TTC14: variants seen among roughly 807,000 people sequenced by gnomAD.
TTC14 encodes the protein tetratricopeptide repeat protein 14.
Under a neutral mutation model 79.9 loss-of-function variants are expected in TTC14, and 63 were observed. That is an observed-to-expected ratio of 0.79 (90% CI 0.64 to 0.97). TTC14 has a LOEUF of 0.97. Among genes scored for constraint, TTC14 ranks in the 50% least tolerant of loss-of-function variants. TTC14 has a pLI of 0.00. For synonymous variants in TTC14, 335 were observed against 309.6 expected, an observed-to-expected ratio of 1.08 and a Z score of -0.86; for missense variants, 895 against 894.0, an observed-to-expected ratio of 1.00 and a Z score of -0.01.
At chr3:180,611,501 A>G (rs531251451), downstream of TTC14, among the ~76,000 whole-genome samples, 11 of 152,266 alleles carry the variant, frequency 7.2e-5, no homozygotes, top group East Asian at 1.9e-4. Context: ...TGCTTCTCTG[A>G]TGACCCCTTT....
rs144670301 is a variant in TTC14, at chr3:180,602,874, AT to A, written c.162-10del. On this transcript the variant is annotated splice_polypyrimidine_tract_variant and intron_variant, in intron 1 of 11. Coordinates refer to ENST00000296015, the MANE Select transcript of TTC14 (RefSeq NM_133462.4). ...TGCAGATAACCCAATTTTCATATAT[AT>A]TTTTTTCTTTTTAAGAAAAGAGAAG... 105 of 1,595,322 alleles carry A rather than the reference AT, an allele frequency of 6.6e-5. No homozygotes were observed. Among genetic ancestry groups the A allele is most frequent in the Middle Eastern group, 1.7e-4 (1 of 5,880 alleles).
chr3:180,611,283 T>C (rs780468221), downstream of TTC14, among the ~76,000 whole-genome samples: 7 of 152,226 alleles, frequency 4.6e-5, no homozygotes, highest in Non-Finnish European at 1.5e-5. Context: ...CCTTAGGGCC[T>C]GTATTCCACG....
chr3:180,603,440 T>A, intron 3 of TTC14, 117 bp downstream of exon 3: 1 of 883,832 alleles, frequency 1.1e-6, no homozygotes, highest in Non-Finnish European at 1.8e-6. Context: ...TTTTGGAAAT[T>A]AAATGTTAAT....
rs1716967649 is a variant in TTC14 at position 180,610,892 on chromosome 3, T to A, written c.*350T>A. 5.1e-6 allele frequency: 5 copies of A among 987,628 alleles called. No individual in the cohort carries two copies. Among genetic ancestry groups the A allele is most frequent in the Non-Finnish European group, 6.0e-6 (5 of 831,336 alleles). The allele number at this position is 987,628 out of a possible 1,614,324, so 61.2% of individuals were successfully genotyped here. On this transcript the variant is annotated 3_prime_UTR_variant, in exon 12 of 12. Coordinates refer to ENST00000296015, the MANE Select transcript of TTC14 (RefSeq NM_133462.4). Reference sequence around the variant, plus strand: ...TATTCTGCTGTTTGAGAGAAAAATTTGTGCATTGAACACTTGGATCATTTT... The same window carrying A: ...TATTCTGCTGTTTGAGAGAAAAATTAGTGCATTGAACACTTGGATCATTTT...
intron 12 of TTC14, chr3:180,616,596 T>G: frequency 6.2e-7 from 1 of 1,600,412 alleles, no homozygotes; most frequent in Non-Finnish European, 8.5e-7. Flanking sequence ...TCAATAACTT[T>G]GTGAAACTGT....
Position 180,608,764 on chromosome 3 carries a change from G to A in TTC14, c.1354G>A (p.Glu452Lys). Residue 452 changes from glutamate to lysine, a missense_variant, in exon 11 of 12, where the codon GAA becomes AAA. Coordinates refer to ENST00000296015, the MANE Select transcript of TTC14 (RefSeq NM_133462.4). ...KEEKQKTKKI[E>K]TSAEKLRKLL... Reference sequence around the variant, plus strand: ...AGAAAAGCAGAAAACAAAGAAAATAGAAACAAGTGCAGAAAAGTTGCGTAA... The same window carrying A: ...AGAAAAGCAGAAAACAAAGAAAATAAAAACAAGTGCAGAAAAGTTGCGTAA... The A allele has an allele frequency of 1.3e-6, 2 of 1,563,362 alleles. No individual in the cohort carries two copies. The highest frequency in any genetic ancestry group is 1.7e-6 in the Non-Finnish European group (2 of 1,158,566).
intron 1 of TTC14, 190 bp from the exon 2 acceptor site, chr3:180,602,701 T>G: frequency 1.3e-6 from 1 of 760,720 alleles, no homozygotes; most frequent in Non-Finnish European, 2.0e-6. Flanking sequence ...GCGTCACTTT[T>G]TAAGTTTCCC....
chr3:180,604,372 T>TA (rs1025881233), intron 4 of TTC14, 63 bp downstream of exon 4: 209 of 1,567,776 alleles, frequency 1.3e-4, no homozygotes, highest in Admixed American at 4.5e-4. Context: ...TTTATTAATT[T>TA]AAAAAAATAC....
chr3:180,608,905 G>C, intron 11 of TTC14, 95 bp downstream of exon 11: 2 of 1,269,258 alleles, frequency 1.6e-6, no homozygotes, highest in Non-Finnish European at 2.0e-6. Flanking sequence ...AAATATGAAA[G>C]TATTTCAAGT....
At position 180,606,502 on chromosome 3, in the gene TTC14, G is replaced by A; in HGVS notation, c.1071G>A (p.Leu357=). The change falls in exon 9 of 12, where the codon TTG becomes TTA. Residue 357 remains leucine (L), a synonymous_variant. Transcript: ENST00000296015. ...RGALYATKGS[L]NKAIEDFELA... is the part of the protein sequence containing the mutation. Reference sequence around the variant, plus strand: ...CTAGATATGCGACAAAAGGAAGTTTGAACAAAGCAATAGAAGATTTTGAGC... The same window carrying A: ...CTAGATATGCGACAAAAGGAAGTTTAAACAAAGCAATAGAAGATTTTGAGC... 3 of 1,613,838 alleles carry A rather than the reference G, an allele frequency of 1.9e-6. No individual in the cohort carries two copies. Among genetic ancestry groups the A allele is most frequent in the Non-Finnish European group, 1.7e-6 (2 of 1,179,880 alleles).
rs532548765 is a variant in TTC14, at chr3:180,610,692, A to C, written c.*150A>C. The C allele has an allele frequency of 9.0e-5, 125 of 1,387,660 alleles. No homozygotes were observed. In the African/African-American group the frequency reaches 1.6e-3, roughly 18 times the overall value. 86.0% of individuals were successfully genotyped at this position (1,387,660 alleles called of 1,614,324 possible). On this transcript the variant is annotated 3_prime_UTR_variant, in exon 12 of 12. Transcript: ENST00000296015. ...AAATGCTTTTAAGTAAGTTTTTCTC[A>C]AATTTTGTTTCAGTTCTAGGTCCCT...
rs1419225420 is a variant in TTC14, at chr3:180,610,676, T to A, written c.*134T>A. 4.2e-6 allele frequency: 6 copies of A among 1,416,756 alleles called. No individual in the cohort carries two copies. Among genetic ancestry groups the A allele is most frequent in the Non-Finnish European group, 5.5e-6 (6 of 1,090,158 alleles). 87.8% of individuals were successfully genotyped at this position (1,416,756 alleles called of 1,614,324 possible). A position where few individuals can be genotyped will look rare whatever the true frequency, so the allele number is the denominator to read the frequency against. ...AGAGATTACAGGAAACAAATGCTTT[T>A]AAGTAAGTTTTTCTCAAATTTTGTT... On this transcript the variant is annotated 3_prime_UTR_variant, in exon 12 of 12. Coordinates refer to ENST00000296015, the MANE Select transcript of TTC14 (RefSeq NM_133462.4).
intron 11 of TTC14, chr3:180,609,094 G>T: frequency 1.1e-6 from 1 of 878,022 alleles, no homozygotes; most frequent in Non-Finnish European, 1.4e-6. Context: ...CTAGAGCAGT[G>T]GTTCTCAACT....
In TTC14 at chr3:180,617,783, T is replaced by A. The variant is rs568018751; in HGVS notation, c.*216T>A. 2.3e-5 allele frequency: 7 copies of A among 303,830 alleles called. No individual in the cohort carries two copies. In the South Asian group the frequency reaches 9.4e-4, roughly 41 times the overall value. The allele number at this position is 303,830 out of a possible 1,614,324, so 18.8% of individuals were successfully genotyped here. On this transcript the variant is annotated 3_prime_UTR_variant, in exon 13 of 13. Coordinates refer to the TTC14 transcript ENST00000382584. The stretch of plus-strand genomic sequence containing the variant: ...GTTAAAAAGCTCTAGGAAGCTAAGG[T>A]CAATTTATTATTGGAGAAATAAAAT...
At chr3:180,607,199 C>G (rs1250174061) in intron 9 of TTC14, among the ~76,000 whole-genome samples, 1 of 152,144 alleles carries the variant, frequency 6.6e-6, no homozygotes, top group Non-Finnish European at 1.5e-5. Flanking sequence ...TGGTGTTTCA[C>G]AACCCAGACT....
rs760574967 is a variant in TTC14, at chr3:180,602,385, G to T, written c.124G>T (p.Ala42Ser). 1.9e-5 allele frequency: 31 copies of T among 1,609,620 alleles called. No individual in the cohort carries two copies. The South Asian group carries it at 3.2e-4, about 17-fold the overall frequency. Reference protein sequence around the residue: ...RSLLGSAAEPARGPPPQHPLQ... With the variant: ...RSLLGSAAEPSRGPPPQHPLQ... ...CCTCCTGGGGTCGGCCGCCGAGCCAGCCCGGGGCCCGCCGCCCCAGCACCC... is the reference window on the plus strand; with the variant it reads ...CCTCCTGGGGTCGGCCGCCGAGCCATCCCGGGGCCCGCCGCCCCAGCACCC... Residue 42 changes from alanine to serine, a missense_variant, in exon 1 of 12, where the codon GCC (alanine) becomes TCC (serine). By Grantham distance (99) the Ala-to-Ser change is moderately conservative (BLOSUM62 1). Transcript: ENST00000296015.
intron 6 of TTC14, 142 bp from the exon 7 acceptor site, chr3:180,605,624 A>T (rs555454148): frequency 1.6e-6 from 1 of 616,006 alleles, no homozygotes; most frequent in African/African-American, 2.0e-5. Flanking sequence ...CGAAAGTTCA[A>T]AGATTTTGGT....
intron 8 of TTC14, 34 bp downstream of exon 8, chr3:180,606,406 T>G: frequency 3.1e-6 from 5 of 1,613,562 alleles, no homozygotes; most frequent in Non-Finnish European, 4.2e-6. Context: ...TAAGGAATGT[T>G]TACCAGGTAA....
At position 180,602,238 on chromosome 3, in the gene TTC14, C is replaced by T. The variant is rs772432387; in HGVS notation, c.-24C>T. ...AACAGGGAACTATCAGCCCGTCGGC[C>T]TCCGGGCCCTGCATTCTCTAGCCAT... On this transcript the variant is annotated 5_prime_UTR_variant, in exon 1 of 12. Coordinates refer to ENST00000296015, the MANE Select transcript of TTC14 (RefSeq NM_133462.4). The T allele has an allele frequency of 2.8e-5, 45 of 1,612,320 alleles. No individual in the cohort carries two copies. Among genetic ancestry groups the T allele is most frequent in the Non-Finnish European group, 3.6e-5 (43 of 1,179,296 alleles).
Sources: allele counts gnomAD v4.1 joint callset (sites outside exome capture counted in the v4.1 genomes callset), GRCh38; gene constraint gnomAD v4.1.1; transcripts MANE v1.5; gene names NCBI Gene and HGNC (gene_info 2026-07-23, HGNC 2026-07-21).